The following ZDHHC3 variants were observed in gnomAD, a reference collection of about 807,000 sequenced individuals.
ZDHHC3 encodes zDHHC palmitoyltransferase 3.
A neutral mutation model predicts 30.6 loss-of-function variants in ZDHHC3; 9 were observed. The ratio of observed to expected loss-of-function variants is 0.29; its 90% CI spans 0.18 to 0.51. The LOEUF (loss-of-function observed/expected upper bound fraction) is 0.51. ZDHHC3 is among the 20% of genes least tolerant of loss of function. The pLI is 0.97. For synonymous variants in ZDHHC3, 136 were observed against 140.2 expected (o/e 0.97, Z 0.21); for missense variants, 246 against 384.2 (o/e 0.64, Z 3.01).
chr3:44,918,314 G>A lies in ZDHHC3; in HGVS notation c.*8375C>T, dbSNP rs922082980. On this transcript the variant is annotated 3_prime_UTR_variant, in exon 7 of 7. Transcript: ENST00000424952. Reference sequence around the variant, plus strand: ...CTGTTGTGGCCCAGGTCACCCCCGGGAGGTCCCTCAGAGGACTGCTGGGGT... The same window carrying A: ...CTGTTGTGGCCCAGGTCACCCCCGGAAGGTCCCTCAGAGGACTGCTGGGGT... 1.0e-6 allele frequency: 1 copy of A among 985,368 alleles called. No homozygotes were observed. Among genetic ancestry groups the A allele is most frequent in the South Asian group, 4.7e-5 (1 of 21,286 alleles). The allele number at this position is 985,368 out of a possible 1,614,324, so 61.0% of individuals were successfully genotyped here.
In ZDHHC3 at chr3:44,916,035, C is replaced by T. The variant is rs559030043; in HGVS notation, c.*10654G>A. ...TCCTGTCCAGATTGCAAGTTAATGG[C>T]CTTTACAGCTGACTCGGGCTCCTAT... On this transcript the variant is annotated 3_prime_UTR_variant, in exon 7 of 7. Transcript: ENST00000424952. 6.6e-6 allele frequency: 1 copy of T among 152,326 alleles called. No homozygotes were observed. Among genetic ancestry groups the T allele is most frequent in the Non-Finnish European group, 1.5e-5 (1 of 68,040 alleles). 9.4% of individuals were successfully genotyped at this position (152,326 alleles called of 1,614,324 possible). A position where few individuals can be genotyped will look rare whatever the true frequency, so the allele number is the denominator to read the frequency against.
chr3:44,944,289 G>T (rs917809133), intron 3 of ZDHHC3, among the ~76,000 whole-genome samples: 3 of 152,004 alleles, frequency 2.0e-5, no homozygotes, highest in Non-Finnish European at 4.4e-5. Context: ...TGGGATTACA[G>T]GCATGTGCCA....
At chr3:44,975,747 GTCTCTCTCTCTCTC>G (rs144383795) in intron 1 of ZDHHC3, among the ~76,000 whole-genome samples, 172 bp downstream of exon 1, 1 of 134,718 alleles carries the variant, frequency 7.4e-6, no homozygotes, top group East Asian at 2.3e-4. Context: ...CTTAGTCGGG[GTCTCTCTCTCTCTC>G]TCTCTCTCTC....
intron 1 of ZDHHC3, among the ~76,000 whole-genome samples, chr3:44,962,337 C>T (rs1021091992): frequency 6.6e-6 from 1 of 152,056 alleles, no homozygotes; most frequent in Non-Finnish European, 1.5e-5. Flanking sequence ...GACAATGATT[C>T]GACTAAACAA....
rs938259108 is a variant in ZDHHC3 at position 44,929,211 on chromosome 3, C to G, written c.741+95G>C. 3 of 1,506,236 alleles carry G rather than the reference C, an allele frequency of 2.0e-6. No individual in the cohort carries two copies. The African/African-American group carries it at 4.1e-5, about 21-fold the overall frequency. 93.3% of individuals were successfully genotyped at this position (1,506,236 alleles called of 1,614,324 possible). A position where few individuals can be genotyped will look rare whatever the true frequency, so the allele number is the denominator to read the frequency against. Reference sequence around the variant, plus strand: ...GCACACCAGGGGCCTGACCACTGGGCTCCAGTCTGACTGTGAGCAGCTCTC... The same window carrying G: ...GCACACCAGGGGCCTGACCACTGGGGTCCAGTCTGACTGTGAGCAGCTCTC... On this transcript the variant is annotated intron_variant, in intron 6 of 6. Transcript: ENST00000424952.
chr3:44,936,471 G>A (rs926136848), intron 3 of ZDHHC3, among the ~76,000 whole-genome samples: 1 of 152,226 alleles, frequency 6.6e-6, no homozygotes, highest in African/African-American at 2.4e-5. Flanking sequence ...GCTAAAAGCA[G>A]AACGACCATT....
chr3:44,968,696 A>G (rs1283720540), intron 1 of ZDHHC3, among the ~76,000 whole-genome samples: 1 of 152,192 alleles, frequency 6.6e-6, no homozygotes, highest in Non-Finnish European at 1.5e-5. Context: ...ACCCTGTCAA[A>G]CAAACTAACT....
chr3:44,966,142 G>A (rs1379204471), intron 1 of ZDHHC3, among the ~76,000 whole-genome samples: 1 of 152,160 alleles, frequency 6.6e-6, no homozygotes, highest in Non-Finnish European at 1.5e-5. Flanking sequence ...AAAATTGAGG[G>A]ATTAAACTTT....
chr3:44,930,033 G>A (rs1342654095), intron 5 of ZDHHC3, among the ~76,000 whole-genome samples: 1 of 152,222 alleles, frequency 6.6e-6, no homozygotes, highest in Non-Finnish European at 1.5e-5. Context: ...CCGCTCCCAG[G>A]GACATTTGCA....
At chr3:44,937,847 G>T in intron 3 of ZDHHC3, 1 of 471,884 alleles carries the variant, frequency 2.1e-6, no homozygotes, top group South Asian at 1.6e-5. Flanking sequence ...AGGGTCTGAG[G>T]CTTACAGTGA....
At chr3:44,956,777 A>G (rs1703993394) in intron 2 of ZDHHC3, among the ~76,000 whole-genome samples, 1 of 152,004 alleles carries the variant, frequency 6.6e-6, no homozygotes, top group African/African-American at 2.4e-5. Context: ...CCCTGCTTCT[A>G]CTTGTAACAC....
intron 2 of ZDHHC3, among the ~76,000 whole-genome samples, chr3:44,953,587 C>T (rs910478758): frequency 1.3e-5 from 2 of 152,170 alleles, no homozygotes; most frequent in African/African-American, 4.8e-5. Context: ...CCGTGCACAC[C>T]CACCAGTCTG....
At position 44,918,309 on chromosome 3, in the gene ZDHHC3, C is replaced by G; in HGVS notation, c.*8380G>C. The G allele has an allele frequency of 1.0e-6, 1 of 985,286 alleles. No homozygotes were observed. Among genetic ancestry groups the G allele is most frequent in the African/African-American group, 1.7e-5 (1 of 57,300 alleles). 61.0% of individuals were successfully genotyped at this position (985,286 alleles called of 1,614,324 possible). On this transcript the variant is annotated 3_prime_UTR_variant, in exon 7 of 7. Coordinates refer to ENST00000424952, the MANE Select transcript of ZDHHC3 (RefSeq NM_001135179.2). ...GCAGTCTGTTGTGGCCCAGGTCACCCCCGGGAGGTCCCTCAGAGGACTGCT... is the reference window on the plus strand; with the variant it reads ...GCAGTCTGTTGTGGCCCAGGTCACCGCCGGGAGGTCCCTCAGAGGACTGCT...
At position 44,920,528 on chromosome 3, in the gene ZDHHC3, A is replaced by C. The variant is rs1408213594; in HGVS notation, c.*6161T>G. ...GGGTATGAGTATTGATGATTGGCAGATGGGGAAGAAACAGAAGTTCCAAGA... is the reference window on the plus strand; with the variant it reads ...GGGTATGAGTATTGATGATTGGCAGCTGGGGAAGAAACAGAAGTTCCAAGA... On this transcript the variant is annotated 3_prime_UTR_variant, in exon 7 of 7. Transcript: ENST00000424952. 4 of 985,236 alleles carry C rather than the reference A, an allele frequency of 4.1e-6. No individual in the cohort carries two copies. The highest frequency in any genetic ancestry group is 3.6e-6 in the Non-Finnish European group (3 of 829,900). The allele number at this position is 985,236 out of a possible 1,614,324, so 61.0% of individuals were successfully genotyped here.
chr3:44,952,062 TC>T (rs1703504751), intron 2 of ZDHHC3, among the ~76,000 whole-genome samples: 2 of 152,302 alleles, frequency 1.3e-5, no homozygotes, highest in South Asian at 4.1e-4. Flanking sequence ...AACTCAGACC[TC>T]TTGAATCTGC....
rs1174173639 is a variant in ZDHHC3 at position 44,918,491 on chromosome 3, C to A, written c.*8198G>T. 8.1e-6 allele frequency: 8 copies of A among 985,288 alleles called. No homozygotes were observed. Among genetic ancestry groups the A allele is most frequent in the Non-Finnish European group, 9.6e-6 (8 of 829,934 alleles). The allele number at this position is 985,288 out of a possible 1,614,324, so 61.0% of individuals were successfully genotyped here. A position where few individuals can be genotyped will look rare whatever the true frequency, so the allele number is the denominator to read the frequency against. The stretch of plus-strand genomic sequence containing the variant: ...GGGCTAGGCTGATGAGTGGCTGAGG[C>A]ATAAGGGGGACCACACATCCTCTGA... On this transcript the variant is annotated 3_prime_UTR_variant, in exon 7 of 7. Transcript: ENST00000424952.
At position 44,929,330 on chromosome 3, in the gene ZDHHC3, C is replaced by CTT; in HGVS notation, c.716_717insAA (p.His240SerfsTer11). Reference sequence around the variant, plus strand: ...CCGTCTCATCTGTGCAGATGGAGTGCACCTGGGTCCCAAACATCACTGATG... The same window carrying CTT: ...CCGTCTCATCTGTGCAGATGGAGTGCTTACCTGGGTCCCAAACATCACTGATG... On this transcript the variant is annotated frameshift_variant, in exon 6 of 7. Transcript: ENST00000424952. LOFTEE classifies it high-confidence loss of function. 1 of 1,614,070 alleles carries CTT rather than the reference C, an allele frequency of 6.2e-7. No individual in the cohort carries two copies. The highest frequency in any genetic ancestry group is 8.5e-7 in the Non-Finnish European group (1 of 1,179,970).
chr3:44,957,021 T>C (rs1704011365), intron 2 of ZDHHC3, among the ~76,000 whole-genome samples: 1 of 152,186 alleles, frequency 6.6e-6, no homozygotes, highest in Non-Finnish European at 1.5e-5. Flanking sequence ...TTTCTGTCTC[T>C]GGGCCTTTGA....
chr3:44,955,319 T>C (rs1289479108), intron 2 of ZDHHC3, among the ~76,000 whole-genome samples: 1 of 152,146 alleles, frequency 6.6e-6, no homozygotes, highest in East Asian at 1.9e-4. Context: ...TGGACCTATC[T>C]ACTGCTACAT....
Sources: allele counts gnomAD v4.1 joint callset (sites outside exome capture counted in the v4.1 genomes callset), GRCh38; gene constraint gnomAD v4.1.1; transcripts MANE v1.5; gene names NCBI Gene and HGNC (gene_info 2026-07-23, HGNC 2026-07-21).